Variants in RPL39L observed in about 807,000 individuals in gnomAD.
The protein encoded by RPL39L is ribosomal protein L39 like.
For synonymous variants in RPL39L, 16 were observed against 20.1 expected (o/e 0.80, Z 0.55); for missense variants, 48 against 58.9 (o/e 0.81, Z 0.61).
intron 1 of RPL39L, among the ~76,000 whole-genome samples, chr3:187,132,323 A>AT (rs1038860680): frequency 7.2e-5 from 11 of 152,156 alleles, no homozygotes; most frequent in Admixed American, 2.0e-4. Context: ...GAGAATACAG[A>AT]TTTTTTTTGA....
intron 1 of RPL39L, among the ~76,000 whole-genome samples, chr3:187,130,646 A>C (rs73068743): frequency 6.9e-4 from 105 of 152,330 alleles, no homozygotes; most frequent in African/African-American, 2.0e-3. Context: ...CAGTCTGTAG[A>C]AACATAAGCC....
intron 1 of RPL39L, among the ~76,000 whole-genome samples, chr3:187,129,475 G>A (rs1317522596): frequency 6.6e-6 from 1 of 152,176 alleles, no homozygotes; most frequent in Non-Finnish European, 1.5e-5. Flanking sequence ...CTGATCTTAG[G>A]AGAGCAGTGC....
chr3:187,132,692 T>C (rs1374566545), intron 1 of RPL39L, among the ~76,000 whole-genome samples: 1 of 152,192 alleles, frequency 6.6e-6, no homozygotes, highest in Admixed American at 6.5e-5. Flanking sequence ...GCCTAGGATG[T>C]AGAAACCTAG....
intron 2 of RPL39L, among the ~76,000 whole-genome samples, chr3:187,123,998 G>T (rs568965383): frequency 5.9e-5 from 9 of 152,284 alleles, no homozygotes; most frequent in Admixed American, 5.9e-4. Context: ...AGAACTGAAA[G>T]AACTGGCTAT....
At chr3:187,137,988 A>C (rs1720614709) in intron 1 of RPL39L, among the ~76,000 whole-genome samples, 1 of 152,174 alleles carries the variant, frequency 6.6e-6, no homozygotes, top group South Asian at 2.1e-4. Flanking sequence ...TCTTTCTCTA[A>C]GCAAACTCTC....
Position 187,121,087 on chromosome 3 carries a change from T to C in RPL39L, c.*58A>G. On this transcript the variant is annotated 3_prime_UTR_variant, in exon 3 of 3. Coordinates refer to ENST00000296277, the MANE Select transcript of RPL39L (RefSeq NM_052969.3). Reference sequence around the variant, plus strand: ...TGGTGACATTTTCAGCTTGATATCGTAAGATGATCGTGAACTTGATACAGC... The same window carrying C: ...TGGTGACATTTTCAGCTTGATATCGCAAGATGATCGTGAACTTGATACAGC... The C allele has an allele frequency of 6.3e-7, 1 of 1,582,414 alleles. No individual in the cohort carries two copies. Among genetic ancestry groups the C allele is most frequent in the African/African-American group, 1.3e-5 (1 of 74,262 alleles).
intron 1 of RPL39L, among the ~76,000 whole-genome samples, chr3:187,129,482 G>A (rs1720451350): frequency 6.6e-6 from 1 of 152,232 alleles, no homozygotes; most frequent in Non-Finnish European, 1.5e-5. Flanking sequence ...TAGGAGAGCA[G>A]TGCTCCTCCT....
intron 1 of RPL39L, among the ~76,000 whole-genome samples, chr3:187,129,706 T>A (rs535431290): frequency 4.6e-5 from 7 of 152,334 alleles, no homozygotes; most frequent in African/African-American, 1.7e-4. Context: ...TTGTACTGGA[T>A]TATGAACCCT....
At chr3:187,130,525 T>C (rs1720468212) in intron 1 of RPL39L, among the ~76,000 whole-genome samples, 1 of 152,134 alleles carries the variant, frequency 6.6e-6, no homozygotes, top group African/African-American at 2.4e-5. Flanking sequence ...TCTCTCTCAC[T>C]CTTGCTTTTG....
rs533369914 is a variant in RPL39L, at chr3:187,132,840, C to T, written c.-92-4778G>A. Among the ~76,000 whole-genome samples the T allele has an allele frequency of 2.0e-5, 3 of 152,300 alleles. No individual in the cohort carries two copies. The South Asian group carries it at 6.2e-4, about 32-fold the overall frequency. ...AAGTCCCATATCCTGGGAAATTCCT[C>T]AGATCCAGGCAAACTGGAACAACTG... On this transcript the variant is annotated intron_variant, in intron 1 of 2. Transcript: ENST00000296277.
At chr3:187,136,064 C>G (rs1022345986) in intron 1 of RPL39L, among the ~76,000 whole-genome samples, 1 of 152,242 alleles carries the variant, frequency 6.6e-6, no homozygotes, top group African/African-American at 2.4e-5. Flanking sequence ...CCTCATCACA[C>G]TGCTTTTGAG....
chr3:187,122,990 T>C (rs1720338079), intron 2 of RPL39L, among the ~76,000 whole-genome samples: 1 of 152,134 alleles, frequency 6.6e-6, no homozygotes, highest in South Asian at 2.1e-4. Flanking sequence ...AGTCTAGGTA[T>C]TGAAAAATGG....
At chr3:187,133,784 C>A (rs1490206294) in intron 1 of RPL39L, among the ~76,000 whole-genome samples, 1 of 152,090 alleles carries the variant, frequency 6.6e-6, no homozygotes, top group Non-Finnish European at 1.5e-5. Flanking sequence ...GCACGCTACC[C>A]TAAGCAAAAG....
At chr3:187,136,611 T>G (rs1277352531) in intron 1 of RPL39L, among the ~76,000 whole-genome samples, 1 of 152,166 alleles carries the variant, frequency 6.6e-6, no homozygotes, top group Non-Finnish European at 1.5e-5. Context: ...GGTAGTGGTA[T>G]TTTCTGGGAG....
chr3:187,132,134 G>A (rs1238596891), intron 1 of RPL39L, among the ~76,000 whole-genome samples: 2 of 152,088 alleles, frequency 1.3e-5, no homozygotes, highest in African/African-American at 4.8e-5. Context: ...CACAATATCT[G>A]AAATAAAATA....
chr3:187,125,539 G>T (rs1720382829), intron 2 of RPL39L, among the ~76,000 whole-genome samples: 1 of 151,980 alleles, frequency 6.6e-6, no homozygotes, highest in African/African-American at 2.4e-5. Flanking sequence ...AGCACCTGCT[G>T]CCTGTTGACC....
intron 1 of RPL39L, among the ~76,000 whole-genome samples, chr3:187,132,316 A>G (rs1378131615): frequency 1.3e-5 from 2 of 152,354 alleles, no homozygotes; most frequent in African/African-American, 2.4e-5. Context: ...GACAAGAGAG[A>G]ATACAGATTT....
chr3:187,127,954 A>G (rs932240262), intron 2 of RPL39L, 45 bp downstream of exon 2: 1 of 152,246 alleles, frequency 6.6e-6, no homozygotes, highest in African/African-American at 2.4e-5. Context: ...TTTAAAAATT[A>G]CACTTTTTTT....
chr3:187,131,056 T>G (rs529115407), intron 1 of RPL39L, among the ~76,000 whole-genome samples: 3 of 152,374 alleles, frequency 2.0e-5, no homozygotes, highest in East Asian at 3.9e-4. Flanking sequence ...GGTTGGCACA[T>G]GACCTAAAAT....
Sources: allele counts gnomAD v4.1 joint callset (sites outside exome capture counted in the v4.1 genomes callset), GRCh38; gene constraint gnomAD v4.1.1; transcripts MANE v1.5; gene names NCBI Gene and HGNC (gene_info 2026-07-23, HGNC 2026-07-21).